CDH13: variants seen among roughly 807,000 people sequenced by gnomAD.
CDH13 encodes the protein cadherin 13.
CDH13 carries 24 observed loss-of-function variants against 63.8 expected under a neutral mutation model. The observed-to-expected ratio is 0.38, with a 90% CI of 0.27 to 0.53. The LOEUF (loss-of-function observed/expected upper bound fraction) is 0.53. CDH13 is among the 20% of genes least tolerant of loss of function. The pLI is 0.85. For missense variants in CDH13, 1,049 were observed against 903.1 expected (o/e 1.16, Z -2.07); for synonymous variants, 503 against 355.3 (o/e 1.42, Z -4.67).
At chr16:82,830,332 C>G (rs1327134239) in intron 1 of CDH13, among the ~76,000 whole-genome samples, 1 of 152,238 alleles carries the variant, frequency 6.6e-6, no homozygotes, top group East Asian at 1.9e-4. Flanking sequence ...TCTGTTATGA[C>G]ATACCTGGTG....
chr16:83,051,742 T>C (rs1241580836), intron 3 of CDH13, among the ~76,000 whole-genome samples: 2 of 152,212 alleles, frequency 1.3e-5, no homozygotes, highest in African/African-American at 2.4e-5. Flanking sequence ...CTACCATCCC[T>C]GTAACTCTAG....
rs567436574 is a variant in CDH13 at position 82,982,066 on chromosome 16, T to C, written c.158-49944T>C. Among the ~76,000 whole-genome samples, 16 of 152,298 alleles carry C rather than the reference T, an allele frequency of 1.1e-4. No homozygotes were observed. The East Asian group carries it at 3.1e-3, about 29-fold the overall frequency. On this transcript the variant is annotated intron_variant, in intron 2 of 13. Coordinates refer to ENST00000567109, the MANE Select transcript of CDH13 (RefSeq NM_001257.5). ...AGCCATATTTCCCTGAATCAACTTC[T>C]AGTTTTAGCACTTATTAGCTAATAA...
At chr16:83,617,550 G>T (rs1909394741) in intron 8 of CDH13, among the ~76,000 whole-genome samples, 1 of 150,472 alleles carries the variant, frequency 6.6e-6, no homozygotes, top group African/African-American at 2.4e-5. Flanking sequence ...TTTCTCATAT[G>T]AACATATCTC....
chr16:82,946,273 G>T (rs894338554), intron 2 of CDH13, among the ~76,000 whole-genome samples: 69 of 152,096 alleles, frequency 4.5e-4, no homozygotes, highest in African/African-American at 1.6e-3. Flanking sequence ...TGGGAGGGAA[G>T]GGTGGAAGGA....
At chr16:83,350,957 G>A (rs1220244082) in intron 6 of CDH13, among the ~76,000 whole-genome samples, 1 of 152,180 alleles carries the variant, frequency 6.6e-6, no homozygotes, top group African/African-American at 2.4e-5. Context: ...GGGACTAATG[G>A]CTATCCTGAG....
At chr16:83,794,730 G>C (rs1337746043) in intron 13 of CDH13, among the ~76,000 whole-genome samples, 1 of 152,062 alleles carries the variant, frequency 6.6e-6, no homozygotes, top group East Asian at 1.9e-4. Flanking sequence ...TCTGTGCTGA[G>C]AGACAAAGAC....
intron 6 of CDH13, among the ~76,000 whole-genome samples, chr16:83,387,689 A>G (rs887653172): frequency 6.6e-6 from 1 of 152,222 alleles, no homozygotes; most frequent in Non-Finnish European, 1.5e-5. Flanking sequence ...AGTCTTGGAC[A>G]TGGTTGAGAA....
intron 2 of CDH13, among the ~76,000 whole-genome samples, chr16:83,014,524 A>G (rs1185777803): frequency 1.3e-5 from 2 of 151,096 alleles, no homozygotes; most frequent in Non-Finnish European, 2.9e-5. Context: ...ACTTGAGGTC[A>G]GGAGTTGAAG....
intron 10 of CDH13, among the ~76,000 whole-genome samples, chr16:83,718,934 C>T (rs1309975932): frequency 6.6e-6 from 1 of 152,154 alleles, no homozygotes; most frequent in South Asian, 2.1e-4. Flanking sequence ...TGATTCTCAT[C>T]GCATTCAGCC....
chr16:82,781,015 T>C (rs1429340999), intron 1 of CDH13, among the ~76,000 whole-genome samples: 2 of 152,242 alleles, frequency 1.3e-5, no homozygotes, highest in Non-Finnish European at 2.9e-5. Flanking sequence ...CTGGAGAGAC[T>C]GTGAGGTTGC....
At chr16:82,796,308 C>G (rs1487727871) in intron 1 of CDH13, among the ~76,000 whole-genome samples, 5 of 152,178 alleles carry the variant, frequency 3.3e-5, no homozygotes, top group East Asian at 1.9e-4. Context: ...TCAAGCCTTA[C>G]CTAGAATCAT....
intron 4 of CDH13, among the ~76,000 whole-genome samples, chr16:83,202,160 A>G (rs1030753050): frequency 4.1e-4 from 63 of 152,266 alleles, no homozygotes; most frequent in African/African-American, 1.5e-3. Flanking sequence ...TCCCTGTCCC[A>G]ATCCCAGGCT....
chr16:83,129,016 G>A (rs148752773), intron 4 of CDH13, among the ~76,000 whole-genome samples: 2 of 152,236 alleles, frequency 1.3e-5, no homozygotes, highest in East Asian at 1.9e-4. Flanking sequence ...TGCCTTTGAA[G>A]GTACGTATTT....
chr16:83,291,121 C>G (rs556384842), intron 5 of CDH13, among the ~76,000 whole-genome samples: 1 of 152,306 alleles, frequency 6.6e-6, no homozygotes, highest in South Asian at 2.1e-4. Flanking sequence ...CCAACCTGAT[C>G]TCATTCATCT....
chr16:83,460,965 A>C (rs1171940580), intron 6 of CDH13, among the ~76,000 whole-genome samples: 2 of 147,156 alleles, frequency 1.4e-5, no homozygotes, highest in Admixed American at 6.9e-5. Flanking sequence ...GGGTGACAGA[A>C]TTAGACCTTG....
intron 10 of CDH13, among the ~76,000 whole-genome samples, chr16:83,730,534 C>G (rs114740386): frequency 0.015 from 2,323 of 152,222 alleles, 54 homozygotes; most frequent in African/African-American, 0.05. Flanking sequence ...AATCACAATT[C>G]GATGAAAAGT....
chr16:83,593,274 C>T (rs1906933680), intron 7 of CDH13, among the ~76,000 whole-genome samples: 1 of 152,126 alleles, frequency 6.6e-6, no homozygotes, highest in South Asian at 2.1e-4. Flanking sequence ...TTCTCATTAA[C>T]GATACCTTAA....
At chr16:83,284,570 A>G (rs911176950) in intron 5 of CDH13, among the ~76,000 whole-genome samples, 1 of 152,184 alleles carries the variant, frequency 6.6e-6, no homozygotes, top group South Asian at 2.1e-4. Flanking sequence ...GGAGGAAACT[A>G]ACATTTCCTA....
intron 1 of CDH13, chr16:82,844,689 G>A (rs1468731556): frequency 2.1e-5 from 3 of 142,054 alleles, no homozygotes; most frequent in South Asian, 4.7e-4. Flanking sequence ...ACCCAGGCTG[G>A]AGTGCGGTGA....
Sources: allele counts gnomAD v4.1 joint callset (sites outside exome capture counted in the v4.1 genomes callset), GRCh38; gene constraint gnomAD v4.1.1; transcripts MANE v1.5; gene names NCBI Gene and HGNC (gene_info 2026-07-23, HGNC 2026-07-21).